The following FGF14 variants were observed in gnomAD, a reference collection of about 807,000 sequenced individuals.
FGF14 encodes fibroblast growth factor homologous factor 4.
FGF14 carries 5 observed loss-of-function variants against 25.5 expected under a neutral mutation model. That is an observed-to-expected ratio of 0.20 (90% CI 0.10 to 0.41). The LOEUF (loss-of-function observed/expected upper bound fraction) is 0.41, where lower values mean the gene tolerates loss of function less well. Among genes scored for constraint, FGF14 ranks in the 10% least tolerant of loss-of-function variants. FGF14 has a pLI of 1.00. For missense variants in FGF14, 222 were observed against 320.1 expected (o/e 0.69, Z 2.34); for synonymous variants, 138 against 118.3 (o/e 1.17, Z -1.08).
intron 3 of FGF14, among the ~76,000 whole-genome samples, chr13:101,751,552 C>A (rs1456255725): frequency 1.3e-5 from 2 of 151,998 alleles, no homozygotes; most frequent in Admixed American, 6.6e-5. Flanking sequence ...TTCCAAGAAC[C>A]ACATTTAAAA....
At chr13:101,856,205 C>T (rs1200813958) in intron 3 of FGF14, among the ~76,000 whole-genome samples, 2 of 151,594 alleles carry the variant, frequency 1.3e-5, no homozygotes, top group Non-Finnish European at 3.0e-5. Context: ...AAAAGAATGC[C>T]TCTTACTTCC....
chr13:102,025,595 G>A (rs2040883514), intron 1 of FGF14, among the ~76,000 whole-genome samples: 2 of 151,908 alleles, frequency 1.3e-5, no homozygotes, highest in Admixed American at 1.3e-4. Flanking sequence ...TTTCAGTAGA[G>A]TCAGGATTTC....
intron 1 of FGF14, among the ~76,000 whole-genome samples, chr13:102,343,849 C>A (rs562037484): frequency 5.3e-5 from 8 of 152,108 alleles, no homozygotes; most frequent in Admixed American, 5.2e-4. Context: ...ATTTTTCAAG[C>A]GGCTGTTATG....
At chr13:102,157,414 T>A (rs548122281) in intron 1 of FGF14, among the ~76,000 whole-genome samples, 1 of 152,306 alleles carries the variant, frequency 6.6e-6, no homozygotes, top group African/African-American at 2.4e-5. Context: ...GGGAGAGAAT[T>A]CCCTATTTAA....
intron 1 of FGF14, among the ~76,000 whole-genome samples, chr13:102,129,832 A>T (rs545101263): frequency 6.6e-6 from 1 of 152,156 alleles, no homozygotes; most frequent in Non-Finnish European, 1.5e-5. Context: ...AAGTATAATA[A>T]TAAAAAAAAA....
At chr13:102,210,224 T>C (rs955860571) in intron 1 of FGF14, among the ~76,000 whole-genome samples, 1 of 151,846 alleles carries the variant, frequency 6.6e-6, no homozygotes, top group African/African-American at 2.4e-5. Context: ...CTTTAAAGTA[T>C]AGATATATTA....
intron 1 of FGF14, among the ~76,000 whole-genome samples, chr13:101,942,553 T>C (rs2035523800): frequency 6.6e-6 from 1 of 152,176 alleles, no homozygotes; most frequent in South Asian, 2.1e-4. Context: ...CATCTGCAAA[T>C]TATATCTCTC....
chr13:102,249,121 G>A (rs1005919118), intron 1 of FGF14, among the ~76,000 whole-genome samples: 6 of 152,128 alleles, frequency 3.9e-5, no homozygotes, highest in Non-Finnish European at 8.8e-5. Flanking sequence ...GAGGCTAGAT[G>A]GAAGTCACGG....
chr13:102,194,840 AAG>A (rs1425366898), intron 1 of FGF14, among the ~76,000 whole-genome samples: 1 of 152,182 alleles, frequency 6.6e-6, no homozygotes, highest in Non-Finnish European at 1.5e-5. Flanking sequence ...GTAAAAGATA[AAG>A]AGAGAATCTT....
chr13:101,865,816 C>CA (rs1819579366), intron 3 of FGF14, among the ~76,000 whole-genome samples: 1 of 151,920 alleles, frequency 6.6e-6, no homozygotes, highest in African/African-American at 2.4e-5. Flanking sequence ...TATGGATCTT[C>CA]AAAAAAATCA....
At chr13:102,396,603 G>A (rs969827148) in intron 1 of FGF14, among the ~76,000 whole-genome samples, 1 of 152,190 alleles carries the variant, frequency 6.6e-6, no homozygotes, top group Non-Finnish European at 1.5e-5. Flanking sequence ...TGTAGGAAAC[G>A]TGAAGTATAG....
intron 1 of FGF14, among the ~76,000 whole-genome samples, chr13:102,221,059 C>T (rs9518662): frequency 0.8 from 121,182 of 152,174 alleles, 48,551 homozygotes; most frequent in African/African-American, 0.88. Flanking sequence ...AGAAGGAGAG[C>T]GGACATACAA....
intron 3 of FGF14, among the ~76,000 whole-genome samples, chr13:101,786,414 G>A (rs552865335): frequency 5.9e-5 from 9 of 152,234 alleles, no homozygotes; most frequent in Non-Finnish European, 8.8e-5. Context: ...GGTGGAGGAC[G>A]GGGAGTTAAA....
chr13:102,307,674 T>C (rs2055470474), intron 1 of FGF14, among the ~76,000 whole-genome samples: 1 of 152,142 alleles, frequency 6.6e-6, no homozygotes, highest in South Asian at 2.1e-4. Flanking sequence ...TAGGATGTGA[T>C]AGGCACTGTA....
At chr13:102,264,926 A>G (rs577090759) in intron 1 of FGF14, among the ~76,000 whole-genome samples, 19 of 152,284 alleles carry the variant, frequency 1.2e-4, no homozygotes, top group African/African-American at 4.3e-4. Flanking sequence ...GGGATGGAGA[A>G]GAGCTGAGAG....
intron 3 of FGF14, among the ~76,000 whole-genome samples, chr13:101,822,370 C>T (rs191495695): frequency 7.9e-5 from 12 of 152,178 alleles, no homozygotes; most frequent in Admixed American, 2.6e-4. Context: ...AAAGCACAAA[C>T]TGTCTTATTG....
At chr13:102,185,273 ATT>A (rs1442969549) in intron 1 of FGF14, among the ~76,000 whole-genome samples, 11 of 152,092 alleles carry the variant, frequency 7.2e-5, no homozygotes, top group Non-Finnish European at 1.3e-4. Flanking sequence ...GTTCTCATCC[ATT>A]TTCTTTCATA....
chr13:102,122,114 C>A (rs2045753517), intron 1 of FGF14, among the ~76,000 whole-genome samples: 1 of 152,078 alleles, frequency 6.6e-6, no homozygotes, highest in Admixed American at 6.5e-5. Context: ...CAATTAAAAG[C>A]AACAGATTAA....
chr13:101,875,121 A>G, intron 2 of FGF14, 65 bp downstream of exon 2: 1 of 1,072,732 alleles, frequency 9.3e-7, no homozygotes, highest in Non-Finnish European at 1.5e-6. Flanking sequence ...AATCTTAAAA[A>G]GTCATTTAAG....
Sources: gnomAD v4.1 joint callset for allele counts (sites outside exome capture counted in the v4.1 genomes callset) on GRCh38, gnomAD v4.1.1 for gene constraint, MANE v1.5 for transcripts, NCBI Gene and HGNC (gene_info 2026-07-23, HGNC 2026-07-21) for gene names.